FAAH2: variants seen among roughly 807,000 people sequenced by gnomAD.
FAAH2 encodes the protein fatty acid amide hydrolase 2.
Under a neutral mutation model 36.9 loss-of-function variants are expected in FAAH2, and 60 were observed. That is an observed-to-expected ratio of 1.63 (90% CI 1.32 to 2.02). FAAH2 has a LOEUF of 2.02. Ranked by LOEUF, FAAH2 falls within the 30% of genes most tolerant of loss-of-function variation. The pLI is 0.00. For synonymous variants in FAAH2, 214 were observed against 143.8 expected, an observed-to-expected ratio of 1.49 and a Z score of -3.49; for missense variants, 689 against 397.5, an observed-to-expected ratio of 1.73 and a Z score of -6.23.
At chrX:57,459,251 G>A (rs1156321300) in intron 10 of FAAH2, among the ~76,000 whole-genome samples, 3 of 112,123 alleles carry the variant, frequency 2.7e-5, no homozygotes, top group East Asian at 2.8e-4. Context: ...CATGGCAAAA[G>A]CAGCTATGGC....
intron 7 of FAAH2, among the ~76,000 whole-genome samples, chrX:57,405,515 C>T (rs1177397747): frequency 1.8e-5 from 2 of 108,419 alleles, no homozygotes; most frequent in South Asian, 8.3e-4. Flanking sequence ...GTGGCAGACA[C>T]CCTGCCAGAT....
the FAAH2 span, among the ~76,000 whole-genome samples, chrX:57,277,270 C>A: frequency 8.9e-6 from 1 of 111,974 alleles, no homozygotes; most frequent in African/African-American, 3.2e-5. Context: ...GCTGGTTCAA[C>A]ATATGCAAAT....
the FAAH2 span, among the ~76,000 whole-genome samples, chrX:57,139,243 T>G: frequency 8.9e-6 from 1 of 112,342 alleles, no homozygotes; most frequent in Non-Finnish European, 1.9e-5. Context: ...TGGTGAGAGA[T>G]AGATATGTCT....
At chrX:57,145,877 G>A in the FAAH2 span, among the ~76,000 whole-genome samples, 4 of 111,497 alleles carry the variant, frequency 3.6e-5, no homozygotes, top group African/African-American at 1.3e-4. Context: ...TAGGCATTTA[G>A]GTTTATTTCT....
chrX:57,433,610 T>C (rs1009542546), intron 8 of FAAH2, among the ~76,000 whole-genome samples: 5 of 112,121 alleles, frequency 4.5e-5, no homozygotes, highest in Admixed American at 9.5e-5. Context: ...TTATTATTTC[T>C]TTGTGGTGTA....
chrX:57,432,536 C>T (rs1189210833), intron 8 of FAAH2, among the ~76,000 whole-genome samples: 1 of 111,365 alleles, frequency 9.0e-6, no homozygotes. Context: ...AGCTATCTGC[C>T]CATCTCCTGT....
chrX:57,189,944 T>G, the FAAH2 span, among the ~76,000 whole-genome samples: 3 of 112,294 alleles, frequency 2.7e-5, no homozygotes, highest in Non-Finnish European at 5.6e-5. Flanking sequence ...TTGTCAAAAT[T>G]ACTGCTTTCT....
At chrX:57,341,469 T>A in intron 5 of FAAH2, 79 bp downstream of exon 5, 9 of 1,045,192 alleles carry the variant, frequency 8.6e-6, no homozygotes, top group Non-Finnish European at 1.2e-5. Flanking sequence ...AGCAGGATTA[T>A]CTTGCTTATC....
intron 5 of FAAH2, among the ~76,000 whole-genome samples, chrX:57,372,622 T>A (rs2054579241): frequency 8.9e-6 from 1 of 111,885 alleles, no homozygotes; most frequent in Non-Finnish European, 1.9e-5. Flanking sequence ...CTTCTCTTCC[T>A]AAACAAAAGT....
At chrX:57,260,465 G>T in the FAAH2 span, among the ~76,000 whole-genome samples, 1 of 111,862 alleles carries the variant, frequency 8.9e-6, no homozygotes, top group Non-Finnish European at 1.9e-5. Flanking sequence ...TAGAAGAAAC[G>T]ATAGTAAAAT....
the FAAH2 span, among the ~76,000 whole-genome samples, chrX:57,230,971 T>A: frequency 1.8e-5 from 2 of 110,127 alleles, no homozygotes; most frequent in African/African-American, 6.6e-5. Context: ...TATGCTATAC[T>A]CTATTTTAAA....
intron 7 of FAAH2, among the ~76,000 whole-genome samples, chrX:57,430,268 C>T (rs929518277): frequency 6.2e-5 from 7 of 112,037 alleles, no homozygotes; most frequent in African/African-American, 2.3e-4. Flanking sequence ...CATTTTAGGT[C>T]TCCTGGCATT....
rs757367034 is a variant in FAAH2, at chrX:57,429,103, A to G, written c.997-2815A>G. On this transcript the variant is annotated intron_variant, in intron 7 of 10. Transcript: ENST00000374900. ...GTAATCCCAGCACTTTGGGAGGCCG[A>G]GGTGGGCGGATCACGAGGTCAGGAG... Among the ~76,000 whole-genome samples the G allele has an allele frequency of 6.6e-4, 73 of 111,309 alleles. 1 individual carries two copies. The highest frequency in any genetic ancestry group is 1.9e-3 in the African/African-American group (58 of 30,652).
chrX:57,267,056 C>G, the FAAH2 span, among the ~76,000 whole-genome samples: 40,505 of 110,931 alleles, frequency 0.37, 6,337 homozygotes, highest in Middle Eastern at 0.61. Flanking sequence ...TCTCAGGTGC[C>G]CTGCGAGCCC....
In FAAH2 at chrX:57,476,379, C is replaced by T. The variant is rs1055736576; in HGVS notation, c.1424-12378C>T. Among the ~76,000 whole-genome samples, 4 of 110,968 alleles carry T rather than the reference C, an allele frequency of 3.6e-5. No homozygotes were observed. The Admixed American group carries it at 3.9e-4, about 11-fold the overall frequency. Reference sequence around the variant, plus strand: ...ATTTTGAGATGTGTTCCATCAATACCTAGTTTATTGAGAGCTTTTAGCATG... The same window carrying T: ...ATTTTGAGATGTGTTCCATCAATACTTAGTTTATTGAGAGCTTTTAGCATG... On this transcript the variant is annotated intron_variant, in intron 10 of 10. Coordinates refer to ENST00000374900, the MANE Select transcript of FAAH2 (RefSeq NM_174912.4).
chrX:57,147,315 A>C, the FAAH2 span, among the ~76,000 whole-genome samples: 2 of 110,870 alleles, frequency 1.8e-5, no homozygotes, highest in Admixed American at 9.6e-5. Context: ...TCAGGCATTT[A>C]TTCATCTCCT....
intron 7 of FAAH2, among the ~76,000 whole-genome samples, chrX:57,385,990 A>T (rs1284406653): frequency 9.0e-6 from 1 of 111,630 alleles, no homozygotes; most frequent in Non-Finnish European, 1.9e-5. Flanking sequence ...CGTTATTTTT[A>T]AATCTATAGG....
At chrX:57,211,720 C>T in the FAAH2 span, among the ~76,000 whole-genome samples, 1 of 111,697 alleles carries the variant, frequency 9.0e-6, no homozygotes, top group Non-Finnish European at 1.9e-5. Context: ...AACCATGCCA[C>T]CCTGGCTACT....
intron 7 of FAAH2, among the ~76,000 whole-genome samples, chrX:57,381,337 G>A (rs772829794): frequency 1.8e-5 from 2 of 110,300 alleles, no homozygotes; most frequent in Admixed American, 9.6e-5. Flanking sequence ...ATGTGTAGAT[G>A]TAAATTTTAG....
Sources: gnomAD v4.1 joint callset for allele counts (sites outside exome capture counted in the v4.1 genomes callset) on GRCh38, gnomAD v4.1.1 for gene constraint, MANE v1.5 for transcripts, NCBI Gene and HGNC (gene_info 2026-07-23, HGNC 2026-07-21) for gene names.